Variants in SPTB observed in about 807,000 individuals in gnomAD.
The protein encoded by SPTB is spectrin beta chain, erythrocytic.
A neutral mutation model predicts 256.2 loss-of-function variants in SPTB; 45 were observed. The ratio of observed to expected loss-of-function variants is 0.18; its 90% CI spans 0.14 to 0.23. The LOEUF (loss-of-function observed/expected upper bound fraction) is 0.23. SPTB is among the 10% of genes least tolerant of loss of function. The pLI is 1.00. For synonymous variants in SPTB, 1,231 were observed against 1,243.1 expected (o/e 0.99, Z 0.21); for missense variants, 2,715 against 3,040.4 (o/e 0.89, Z 2.52).
At chr14:64,756,901 G>C (rs1287424127) in intron 32 of SPTB, 2 of 152,268 alleles carry the variant, frequency 1.3e-5, no homozygotes, top group Non-Finnish European at 2.9e-5. Context: ...TTGGCCACAA[G>C]GATCTGGAGG....
At chr14:64,809,341 T>C (rs1460254070) in intron 2 of SPTB, among the ~76,000 whole-genome samples, 1 of 151,110 alleles carries the variant, frequency 6.6e-6, no homozygotes, top group African/African-American at 2.4e-5. Context: ...AGCAGGTTTT[T>C]GGTTTATTTA....
Position 64,801,756 on chromosome 14 carries a change from G to C in SPTB, c.645C>G (p.His215Gln). ...CACGGCTGTCCCCTCCCTCTTACCG[G>C]TGCTTGTGTATCAGGGCATTAAAGG... ...GLAFNALIHK[H>Q]RPDLIDFDKL... The change falls in exon 6 of 36, where the codon CAC becomes CAG. Residue 215 changes from histidine to glutamine, a missense_variant and splice_region_variant. Transcript: ENST00000644917. 6.2e-7 allele frequency: 1 copy of C among 1,614,078 alleles called. No individual in the cohort carries two copies. The highest frequency in any genetic ancestry group is 8.5e-7 in the Non-Finnish European group (1 of 1,179,976).
At chr14:64,794,909 GGGC>G (rs1157422406) in intron 12 of SPTB, among the ~76,000 whole-genome samples, 4 of 152,208 alleles carry the variant, frequency 2.6e-5, no homozygotes, top group African/African-American at 7.2e-5. Flanking sequence ...AAAGCTCCAG[GGGC>G]AGTCTGATGT....
In SPTB at chr14:64,772,768, G is replaced by A. The variant is rs745688508; in HGVS notation, c.5365C>T (p.Arg1789Cys). 38 of 1,613,852 alleles carry A rather than the reference G, an allele frequency of 2.4e-5. No homozygotes were observed. Among genetic ancestry groups the A allele is most frequent in the Non-Finnish European group, 2.8e-5 (33 of 1,180,046 alleles). The change falls in exon 26 of 36, where the codon CGC becomes TGC. Residue 1789 changes from arginine (R) to cysteine (C), a missense_variant. Arg to Cys is a radical substitution (Grantham distance 180). Transcript: ENST00000644917. The surrounding 1 kb of genome is among the most constrained non-coding windows in gnomAD (Gnocchi z 5.4). The stretch of plus-strand genomic sequence containing the variant: ...TAGGAGGCGGCCAGCAGCTGCATGC[G>A]CGTGTCAATGAGCTCCAGGAGGTCT... Reference protein sequence around the residue: ...WADLLELIDTRMQLLAASYDL... With the variant: ...WADLLELIDTCMQLLAASYDL...
At position 64,823,007 on chromosome 14, in the gene SPTB, G is replaced by A. The variant is rs2083320712; in HGVS notation, c.88C>T (p.Leu30=). Residue 30 remains leucine, a synonymous_variant, in exon 2 of 36, where the codon CTG becomes TTG. Coordinates refer to ENST00000644917, the MANE Select transcript of SPTB (RefSeq NM_001355436.2). The surrounding 1 kb of genome is among the most constrained non-coding windows in gnomAD (Gnocchi z 6.5). ...CTGGCTGAGCTGTTGTCATTATCCA[G>A]CTCGTCGTCTGGGGCGTCCCAGCGG... ...NARWDAPDDE[L]DNDNSSARLF... 6.2e-7 allele frequency: 1 copy of A among 1,613,990 alleles called. No homozygotes were observed. The highest frequency in any genetic ancestry group is 1.1e-5 in the South Asian group (1 of 91,070).
Position 64,806,736 on chromosome 14 carries a change from C to T in SPTB, c.149-1646G>A, listed in dbSNP as rs1458151237. ...GGTGGTGGGGAACTCAAGGACAAGACTGATGGTCCCTATCCTTGAGGCAGA... is the reference window on the plus strand; with the variant it reads ...GGTGGTGGGGAACTCAAGGACAAGATTGATGGTCCCTATCCTTGAGGCAGA... On this transcript the variant is annotated intron_variant, in intron 2 of 35. Coordinates refer to ENST00000644917, the MANE Select transcript of SPTB (RefSeq NM_001355436.2). The surrounding 1 kb of genome is among the most constrained non-coding windows in gnomAD (Gnocchi z 4.1). Among the ~76,000 whole-genome samples, 3 of 152,116 alleles carry T rather than the reference C, an allele frequency of 2.0e-5. No homozygotes were observed. Among genetic ancestry groups the T allele is most frequent in the Admixed American group, 1.3e-4 (2 of 15,258 alleles).
At chr14:64,851,237 T>A (rs951032527) in intron 1 of SPTB, among the ~76,000 whole-genome samples, 2 of 152,246 alleles carry the variant, frequency 1.3e-5, no homozygotes, top group African/African-American at 4.8e-5. Context: ...TATGAGCAGA[T>A]TTCCTGTGTC....
chr14:64,789,129 T>A (rs1307180346), intron 15 of SPTB, among the ~76,000 whole-genome samples: 1 of 151,886 alleles, frequency 6.6e-6, no homozygotes, highest in Non-Finnish European at 1.5e-5. Flanking sequence ...GGCCGGAGGA[T>A]CTCTTGAGCC....
chr14:64,813,518 G>A (rs1214823452), intron 2 of SPTB, among the ~76,000 whole-genome samples: 4 of 151,174 alleles, frequency 2.6e-5, no homozygotes, highest in African/African-American at 7.3e-5. Context: ...TGTTGTTGTT[G>A]TTTTCTGTTT....
chr14:64,765,041 T>TGTGTGC (rs570414192), intron 32 of SPTB, among the ~76,000 whole-genome samples: 30 of 117,004 alleles, frequency 2.6e-4, no homozygotes, highest in African/African-American at 8.4e-4. Flanking sequence ...TGTGTGTGTG[T>TGTGTGC]GCGCGCGCGC....
At position 64,775,410 on chromosome 14, in the gene SPTB, C is replaced by A. The variant is rs766420023; in HGVS notation, c.4564-7G>T. On this transcript the variant is annotated splice_region_variant and splice_polypyrimidine_tract_variant and intron_variant, in intron 22 of 35. Coordinates refer to ENST00000644917, the MANE Select transcript of SPTB (RefSeq NM_001355436.2). The surrounding 1 kb of genome is among the most constrained non-coding windows in gnomAD (Gnocchi z 5.0). ...GAATCTCATTCTGCAGTGTCTGCGG[C>A]CAGAAGGAAGGGCTCGGGGCAGGGC... is the stretch of plus-strand genomic sequence containing the variant. The A allele has an allele frequency of 6.2e-7, 1 of 1,610,084 alleles. No homozygotes were observed. Among genetic ancestry groups the A allele is most frequent in the East Asian group, 2.2e-5 (1 of 44,802 alleles).
chr14:64,821,464 T>A (rs1201608632), intron 2 of SPTB, among the ~76,000 whole-genome samples: 1 of 152,184 alleles, frequency 6.6e-6, no homozygotes, highest in Non-Finnish European at 1.5e-5. Context: ...CACTCTTACC[T>A]TGCTTTGGCA....
chr14:64,830,493 A>C (rs751907028), intron 1 of SPTB, among the ~76,000 whole-genome samples: 15 of 151,848 alleles, frequency 9.9e-5, no homozygotes, highest in Non-Finnish European at 2.2e-4. Context: ...AAAGCCCTCT[A>C]TCCCACCATA....
chr14:64,780,080 T>C (rs985107392), intron 20 of SPTB, 149 bp from the exon 21 acceptor site: 2 of 742,008 alleles, frequency 2.7e-6, no homozygotes, highest in Non-Finnish European at 2.4e-6. Flanking sequence ...CCCAGTCATC[T>C]TTCCCTCTTC....
chr14:64,766,001 G>C (rs1468067725), intron 32 of SPTB, among the ~76,000 whole-genome samples: 2 of 150,136 alleles, frequency 1.3e-5, no homozygotes, highest in Admixed American at 1.3e-4. Flanking sequence ...TGGGTGTGGT[G>C]TGTGCATATT....
Position 64,786,758 on chromosome 14 carries a change from A to G in SPTB, c.3207T>C (p.Asp1069=). 6.2e-7 allele frequency: 1 copy of G among 1,613,990 alleles called. No homozygotes were observed. The highest frequency in any genetic ancestry group is 8.5e-7 in the Non-Finnish European group (1 of 1,180,012). ...EVSQLQAFLQ[D]LDDFQAWLSI... Reference sequence around the variant, plus strand: ...AGAGCCAGGCCTGGAAGTCATCCAGATCCTGCAGGAAGGCCTGCAGCTGGC... The same window carrying G: ...AGAGCCAGGCCTGGAAGTCATCCAGGTCCTGCAGGAAGGCCTGCAGCTGGC... The change falls in exon 16 of 36, where the codon GAT becomes GAC. Residue 1069 remains aspartate (D), a synonymous_variant. Transcript: ENST00000644917. This position sits in a 1 kb window ranked among gnomAD's most constrained non-coding sequence, Gnocchi z 5.6.
At position 64,770,964 on chromosome 14, in the gene SPTB, G is replaced by A. The variant is rs770527904; in HGVS notation, c.5719C>T (p.Arg1907Cys). ...TQLVDTADKF[R>C]FFSMARDLLS... ...AGGTCACGGGCCATGCTGAAGAAGCGGAATTTATCCGCCGTGTCCACTAGC... is the reference window on the plus strand; with the variant it reads ...AGGTCACGGGCCATGCTGAAGAAGCAGAATTTATCCGCCGTGTCCACTAGC... The change falls in exon 27 of 36, where the codon CGC becomes TGC. Residue 1907 changes from arginine (R) to cysteine (C), a missense_variant. Coordinates refer to ENST00000644917, the MANE Select transcript of SPTB (RefSeq NM_001355436.2). 28 of 1,613,992 alleles carry A rather than the reference G, an allele frequency of 1.7e-5. No individual in the cohort carries two copies. Among genetic ancestry groups the A allele is most frequent in the Middle Eastern group, 1.6e-4 (1 of 6,084 alleles).
In SPTB at chr14:64,778,999, A is replaced by G. The variant is rs962634123; in HGVS notation, c.4563+158T>C. Among the ~76,000 whole-genome samples, 17 of 152,086 alleles carry G rather than the reference A, an allele frequency of 1.1e-4. No homozygotes were observed. The highest frequency in any genetic ancestry group is 4.1e-4 in the South Asian group (2 of 4,828). ...ATCACAAAAACCTGCTCTTTCTGCTATAAGATTACCAATACGGTTTGGAGA... is the reference window on the plus strand; with the variant it reads ...ATCACAAAAACCTGCTCTTTCTGCTGTAAGATTACCAATACGGTTTGGAGA... On this transcript the variant is annotated intron_variant, in intron 22 of 35. Transcript: ENST00000644917. This position sits in a 1 kb window ranked among gnomAD's most constrained non-coding sequence, Gnocchi z 5.2.
chr14:64,795,711 G>A lies in SPTB; in HGVS notation c.1342-72C>T. 1 of 1,499,780 alleles carries A rather than the reference G, an allele frequency of 6.7e-7. No homozygotes were observed. Among genetic ancestry groups the A allele is most frequent in the Non-Finnish European group, 9.2e-7 (1 of 1,082,818 alleles). 92.9% of individuals were successfully genotyped at this position (1,499,780 alleles called of 1,614,324 possible). The stretch of plus-strand genomic sequence containing the variant: ...GCTCATCCCCAAACTCAGGGACAGG[G>A]CAGCTCCCTTCAGAACCAGTGCTAG... On this transcript the variant is annotated intron_variant, in intron 11 of 35. Coordinates refer to ENST00000644917, the MANE Select transcript of SPTB (RefSeq NM_001355436.2). This position sits in a 1 kb window ranked among gnomAD's most constrained non-coding sequence, Gnocchi z 6.5.
Sources: allele counts gnomAD v4.1 joint callset (sites outside exome capture counted in the v4.1 genomes callset), GRCh38; gene constraint gnomAD v4.1.1; non-coding constraint Gnocchi (gnomAD v3.1); transcripts MANE v1.5; gene names NCBI Gene and HGNC (gene_info 2026-07-23, HGNC 2026-07-21).